Variants in ASIC2 observed in about 807,000 individuals in gnomAD.
The protein encoded by ASIC2 is acid sensing ion channel subunit 2, also known as acid-sensing ion channel 2.
In ASIC2, 25 loss-of-function variants were observed where a neutral mutation model predicts 57.3. That is an observed-to-expected ratio of 0.44 (90% CI 0.32 to 0.61). The LOEUF is 0.61. Among genes scored for constraint, ASIC2 ranks in the 20% least tolerant of loss-of-function variants. The pLI is 0.06. For synonymous variants in ASIC2, 319 were observed against 307.5 expected (o/e 1.04, Z -0.39); for missense variants, 641 against 738.1 (o/e 0.87, Z 1.52).
At chr17:33,321,704 C>T (rs984676147) in intron 1 of ASIC2, among the ~76,000 whole-genome samples, 1 of 152,078 alleles carries the variant, frequency 6.6e-6, no homozygotes, top group African/African-American at 2.4e-5. Context: ...GTTGTGATTA[C>T]CCTGTATCAA....
chr17:34,032,254 G>A (rs1022957911), intron 1 of ASIC2, among the ~76,000 whole-genome samples: 1 of 152,134 alleles, frequency 6.6e-6, no homozygotes, highest in Non-Finnish European at 1.5e-5. Context: ...TTCATATCCA[G>A]CCAAACTAAG....
At chr17:33,582,066 C>A (rs781082323) in intron 1 of ASIC2, among the ~76,000 whole-genome samples, 1 of 152,174 alleles carries the variant, frequency 6.6e-6, no homozygotes, top group Non-Finnish European at 1.5e-5. Flanking sequence ...TATTCTCCTT[C>A]CTGAAGACAG....
At chr17:33,850,214 G>A (rs1356894743) in intron 1 of ASIC2, among the ~76,000 whole-genome samples, 1 of 152,194 alleles carries the variant, frequency 6.6e-6, no homozygotes, top group Non-Finnish European at 1.5e-5. Context: ...TGGGAGTGAT[G>A]CAGGCCGACA....
intron 3 of ASIC2, among the ~76,000 whole-genome samples, chr17:33,037,697 C>A (rs1287528446): frequency 6.6e-6 from 1 of 152,152 alleles, no homozygotes; most frequent in East Asian, 1.9e-4. Flanking sequence ...AAGATAGACA[C>A]AAGAATAGTT....
At chr17:33,473,892 CCATT>C (rs1753415465) in intron 1 of ASIC2, among the ~76,000 whole-genome samples, 2 of 152,104 alleles carry the variant, frequency 1.3e-5, no homozygotes, top group Non-Finnish European at 2.9e-5. Context: ...CCCCCTTCAC[CCATT>C]CATTCATTAA....
At chr17:33,553,545 G>C (rs1030426137) in intron 1 of ASIC2, among the ~76,000 whole-genome samples, 2 of 151,830 alleles carry the variant, frequency 1.3e-5, no homozygotes, top group Non-Finnish European at 2.9e-5. Context: ...TATGTTGCCT[G>C]GGCTGGCCTT....
chr17:33,366,050 T>C (rs1908796650), intron 1 of ASIC2, among the ~76,000 whole-genome samples: 1 of 152,166 alleles, frequency 6.6e-6, no homozygotes, highest in African/African-American at 2.4e-5. Flanking sequence ...CATCAGTGAC[T>C]AGGTTGGCAA....
chr17:33,512,737 C>A (rs965461852), intron 1 of ASIC2, among the ~76,000 whole-genome samples: 1 of 152,182 alleles, frequency 6.6e-6, no homozygotes, highest in Admixed American at 6.5e-5. Flanking sequence ...CCATGCCAAC[C>A]TCTTATGGTG....
intron 1 of ASIC2, among the ~76,000 whole-genome samples, chr17:34,116,304 C>T (rs1484536423): frequency 6.6e-6 from 1 of 152,094 alleles, no homozygotes; most frequent in Non-Finnish European, 1.5e-5. Flanking sequence ...ATAATGGGAA[C>T]AATAATGTCT....
intron 1 of ASIC2, among the ~76,000 whole-genome samples, chr17:34,075,938 C>T (rs1197433697): frequency 6.8e-6 from 1 of 147,078 alleles, no homozygotes; most frequent in Non-Finnish European, 1.5e-5. Flanking sequence ...AAGTGATTGT[C>T]TTGCCTCAGC....
chr17:34,063,366 C>A (rs983790283), intron 1 of ASIC2, among the ~76,000 whole-genome samples: 2 of 152,044 alleles, frequency 1.3e-5, no homozygotes, highest in Admixed American at 6.6e-5. Context: ...AAGGGACATA[C>A]CTTAATATAA....
rs145739492 is a variant in ASIC2, at chr17:33,223,277, G to T, written c.708+68131C>A. ...GGCTCACTGCAACCTCCGCCTCCAG[G>T]GTTCAAGTGATTCTCCTGCCTCAGC... is the stretch of plus-strand genomic sequence containing the variant. On this transcript the variant is annotated intron_variant, in intron 1 of 9. Coordinates refer to ENST00000225823, the MANE Select transcript of ASIC2 (RefSeq NM_183377.2). Among the ~76,000 whole-genome samples the T allele has an allele frequency of 0.011, 1,633 of 152,052 alleles. 67 individuals are homozygous for T. The East Asian group carries it at 0.14, about 13-fold the overall frequency.
intron 1 of ASIC2, among the ~76,000 whole-genome samples, chr17:33,422,578 T>G (rs9904433): frequency 0.47 from 71,186 of 151,916 alleles, 17,403 homozygotes; most frequent in East Asian, 0.76. Context: ...CAGTAGAGTC[T>G]CTCCAACTCT....
At position 33,142,082 on chromosome 17, in the gene ASIC2, C is replaced by A. The variant is rs112429609; in HGVS notation, c.709-30015G>T. ...CTACAAACCCCTCAAGAGCAAAGAC[C>A]AGGAGTTTGTTCTCTGTTGCTTTTT... On this transcript the variant is annotated intron_variant, in intron 1 of 9. Coordinates refer to ENST00000225823, the MANE Select transcript of ASIC2 (RefSeq NM_183377.2). Among the ~76,000 whole-genome samples the A allele has an allele frequency of 2.7e-3, 411 of 152,280 alleles. 1 individual carries two copies. Among genetic ancestry groups the A allele is most frequent in the African/African-American group, 9.4e-3 (391 of 41,560 alleles).
intron 1 of ASIC2, among the ~76,000 whole-genome samples, chr17:33,578,990 G>C (rs774732618): frequency 3.3e-5 from 5 of 152,076 alleles, no homozygotes; most frequent in South Asian, 2.1e-4. Flanking sequence ...AGCGGTTATA[G>C]AATGCAGGTT....
At chr17:34,045,403 T>C (rs1184024316) in intron 1 of ASIC2, among the ~76,000 whole-genome samples, 1 of 152,202 alleles carries the variant, frequency 6.6e-6, no homozygotes. Context: ...TGTAGTCTTC[T>C]TTGAAACTGG....
chr17:33,666,541 A>T (rs1441188395), intron 1 of ASIC2, among the ~76,000 whole-genome samples: 1 of 152,058 alleles, frequency 6.6e-6, no homozygotes, highest in Non-Finnish European at 1.5e-5. Context: ...GGTCATCTTG[A>T]TCATCCCATT....
intron 5 of ASIC2, 22 bp from the exon 6 acceptor site, chr17:33,024,036 G>A: frequency 1.2e-6 from 2 of 1,613,776 alleles, no homozygotes; most frequent in Non-Finnish European, 1.7e-6. Context: ...AGTGAGGTGG[G>A]GCTTAGTCAG....
intron 1 of ASIC2, among the ~76,000 whole-genome samples, chr17:34,119,612 G>C (rs3038774): frequency 4.7e-5 from 7 of 148,026 alleles, no homozygotes; most frequent in African/African-American, 1.3e-4. Flanking sequence ...TCTCTACACA[G>C]ACACACACAC....
Sources: gnomAD v4.1 joint callset for allele counts (sites outside exome capture counted in the v4.1 genomes callset) on GRCh38, gnomAD v4.1.1 for gene constraint, MANE v1.5 for transcripts, NCBI Gene and HGNC (gene_info 2026-07-23, HGNC 2026-07-21) for gene names.